Variants in SUV39H1 observed in about 807,000 individuals in gnomAD.
SUV39H1 encodes histone-lysine N-methyltransferase SUV39H1.
For missense variants in SUV39H1, 180 were observed against 386.3 expected (o/e 0.47, Z 4.48); for synonymous variants, 141 against 150.5 (o/e 0.94, Z 0.46).
upstream of SUV39H1, chrX:48,695,694 G>A: frequency 3.5e-6 from 4 of 1,133,602 alleles, no homozygotes; most frequent in East Asian, 3.3e-5. Context: ...GATTGAACGA[G>A]TCACAGGCCA....
At position 48,700,479 on chromosome X, in the gene SUV39H1, ACTGT is replaced by A; in HGVS notation, c.559_562del (p.Leu187GlyfsTer150). The A allele has an allele frequency of 8.3e-7, 1 of 1,211,982 alleles. No individual in the cohort carries two copies. Among genetic ancestry groups the A allele is most frequent in the Non-Finnish European group, 1.1e-6 (1 of 895,527 alleles). ...GTGGCTGTGGGCTGCGAGTGCCAGG[ACTGT>A]CTGTGGGCACCCACTGGAGGCTGCT... On this transcript the variant is annotated frameshift_variant, in exon 3 of 6. Transcript: ENST00000376687. LOFTEE classifies it high-confidence loss of function.
upstream of SUV39H1, chrX:48,696,701 AG>A: frequency 9.1e-7 from 1 of 1,100,277 alleles, no homozygotes; most frequent in Non-Finnish European, 1.2e-6. Context: ...CGCGGCCAAT[AG>A]GCTGCGCGTT....
chrX:48,697,761 A>C (rs968481289), intron 1 of SUV39H1, among the ~76,000 whole-genome samples: 2 of 112,468 alleles, frequency 1.8e-5, no homozygotes, highest in Non-Finnish European at 3.8e-5. Flanking sequence ...ATGAGGACTG[A>C]CTGCCCTTGG....
intron 5 of SUV39H1, 140 bp from the exon 6 acceptor site, chrX:48,707,297 A>T: frequency 1.7e-6 from 1 of 579,107 alleles, no homozygotes; most frequent in Non-Finnish European, 2.7e-6. Flanking sequence ...CCTTGGTCTC[A>T]TGGTATAAAG....
upstream of SUV39H1, among the ~76,000 whole-genome samples, chrX:48,696,065 G>A (rs1557008505): frequency 8.8e-6 from 1 of 113,355 alleles, no homozygotes; most frequent in Non-Finnish European, 1.9e-5. Flanking sequence ...CAGCCCGCCT[G>A]GGGGCATGGC....
chrX:48,696,005 G>T (rs782020045), upstream of SUV39H1: 2 of 926,031 alleles, frequency 2.2e-6, no homozygotes, highest in African/African-American at 1.9e-5. Context: ...GATAGTGCCC[G>T]ACAGGGCTGT....
At chrX:48,700,777 T>C in intron 3 of SUV39H1, 24 bp downstream of exon 3, 1 of 1,199,149 alleles carries the variant, frequency 8.3e-7, no homozygotes, top group Non-Finnish European at 1.1e-6. Context: ...ACCCGGTGTG[T>C]GTGTGCAGCT....
chrX:48,696,128 C>T (rs1557008513), upstream of SUV39H1, among the ~76,000 whole-genome samples: 4 of 112,911 alleles, frequency 3.5e-5, no homozygotes, highest in Non-Finnish European at 7.5e-5. Context: ...CAGCTGGTCC[C>T]AGGGCTATGG....
At chrX:48,701,195 C>T (rs1646651430) in intron 3 of SUV39H1, among the ~76,000 whole-genome samples, 1 of 111,916 alleles carries the variant, frequency 8.9e-6, no homozygotes, top group African/African-American at 3.3e-5. Context: ...AGAAGGAACG[C>T]AGTCTGGAGT....
At chrX:48,701,622 G>T (rs1391193983) in intron 3 of SUV39H1, among the ~76,000 whole-genome samples, 2 of 111,511 alleles carry the variant, frequency 1.8e-5, no homozygotes, top group East Asian at 5.6e-4. Flanking sequence ...GAGGCAACAG[G>T]ATGTGCTTTA....
At chrX:48,707,114 C>G (rs1218970349) in intron 5 of SUV39H1, among the ~76,000 whole-genome samples, 4 of 109,130 alleles carry the variant, frequency 3.7e-5, no homozygotes, top group African/African-American at 1.3e-4. Flanking sequence ...CCCCTGCCCC[C>G]CCCCACACAC....
rs781785731 is a variant in SUV39H1, at chrX:48,700,306, G to A, written c.381G>A (p.Ala127=). ...YLVQKAKQRR[A]LRRWEQELNA... Reference sequence around the variant, plus strand: ...TGCAGAAGGCCAAGCAGAGGCGGGCGCTCCGTCGCTGGGAGCAGGAGCTCA... The same window carrying A: ...TGCAGAAGGCCAAGCAGAGGCGGGCACTCCGTCGCTGGGAGCAGGAGCTCA... Residue 127 remains alanine (A), a synonymous_variant, in exon 3 of 6, where the codon GCG becomes GCA. Transcript: ENST00000376687. The A allele has an allele frequency of 7.4e-6, 9 of 1,209,384 alleles. No homozygotes were observed. Among genetic ancestry groups the A allele is most frequent in the South Asian group, 7.1e-5 (4 of 56,641 alleles).
chrX:48,697,097 C>G (rs782654851), intron 1 of SUV39H1, among the ~76,000 whole-genome samples: 3 of 109,454 alleles, frequency 2.7e-5, no homozygotes, highest in Non-Finnish European at 5.8e-5. Flanking sequence ...GGGGGCTTGT[C>G]GAGGAGGCCG....
chrX:48,704,396 A>G (rs893546690), intron 3 of SUV39H1, among the ~76,000 whole-genome samples: 1 of 110,744 alleles, frequency 9.0e-6, no homozygotes. Context: ...GATGGCTCAT[A>G]CCCCACCCAC....
At chrX:48,697,147 C>T (rs1279518604) in intron 1 of SUV39H1, among the ~76,000 whole-genome samples, 9 of 111,071 alleles carry the variant, frequency 8.1e-5, no homozygotes, top group African/African-American at 2.6e-4. Context: ...TGACCGTTAC[C>T]CATTCGGTGT....
intron 1 of SUV39H1, among the ~76,000 whole-genome samples, chrX:48,697,388 A>G (rs1430432719): frequency 2.7e-5 from 3 of 111,513 alleles, no homozygotes; most frequent in East Asian, 5.7e-4. Flanking sequence ...GGGCCCCTCT[A>G]TGTGACGAAA....
chrX:48,699,994 G>A (rs1202955355), intron 2 of SUV39H1, 97 bp from the exon 3 acceptor site: 2 of 716,362 alleles, frequency 2.8e-6, no homozygotes, highest in Non-Finnish European at 4.1e-6. Flanking sequence ...GGGTGGGGTA[G>A]GTGTTATCCA....
chrX:48,706,057 C>T (rs1394773824), intron 3 of SUV39H1, among the ~76,000 whole-genome samples: 10 of 113,042 alleles, frequency 8.8e-5, no homozygotes, highest in African/African-American at 3.2e-4. Flanking sequence ...AGGGACTCCT[C>T]CTGCTAGCCA....
At chrX:48,705,756 G>T (rs1366388197) in intron 3 of SUV39H1, among the ~76,000 whole-genome samples, 1 of 111,936 alleles carries the variant, frequency 8.9e-6, no homozygotes, top group Non-Finnish European at 1.9e-5. Flanking sequence ...TGAGGCCCTT[G>T]CCCCCTTTCC....
Sources: gnomAD v4.1 joint callset for allele counts (sites outside exome capture counted in the v4.1 genomes callset) on GRCh38, gnomAD v4.1.1 for gene constraint, MANE v1.5 for transcripts, NCBI Gene and HGNC (gene_info 2026-07-23, HGNC 2026-07-21) for gene names.